DOCK1: variants seen among roughly 807,000 people sequenced by gnomAD.
DOCK1 encodes the protein dedicator of cytokinesis protein 1.
A neutral mutation model predicts 262.7 loss-of-function variants in DOCK1; 138 were observed. The observed-to-expected ratio is 0.53, with a 90% CI of 0.46 to 0.61. DOCK1 has a LOEUF of 0.61. Ranked by LOEUF, DOCK1 falls within the 20% of genes least tolerant of loss-of-function variation. DOCK1 has a pLI of 0.00. For missense variants in DOCK1, 1,908 were observed against 2,370.7 expected (o/e 0.80, Z 4.05); for synonymous variants, 866 against 867.4 (o/e 1.00, Z 0.03).
intron 1 of DOCK1, among the ~76,000 whole-genome samples, chr10:126,912,362 G>A (rs771867575): frequency 5.3e-5 from 8 of 151,596 alleles, no homozygotes; most frequent in African/African-American, 1.9e-4. Flanking sequence ...CCTCGGAGGC[G>A]GAGGTTGCAG....
chr10:126,952,367 G>A (rs1245490339), intron 1 of DOCK1, among the ~76,000 whole-genome samples: 1 of 151,792 alleles, frequency 6.6e-6, no homozygotes, highest in Non-Finnish European at 1.5e-5. Context: ...TGTTACTGTT[G>A]GTAGTATTGT....
intron 1 of DOCK1, among the ~76,000 whole-genome samples, chr10:126,911,884 A>G (rs966931234): frequency 1.1e-4 from 17 of 152,276 alleles, no homozygotes; most frequent in African/African-American, 4.1e-4. Context: ...AGTGCTTTGG[A>G]GCTGACGTTG....
At chr10:127,000,761 GTTGGTGTTCTTCCTCCGCCA>G (rs1320936813) in intron 10 of DOCK1, 1 of 102,794 alleles carries the variant, frequency 9.7e-6, no homozygotes, top group Non-Finnish European at 2.2e-5. Context: ...TCTCCGCCAT[GTTGGTGTTCTTCCTCCGCCA>G]TGTTGGTGTT....
intron 38 of DOCK1, among the ~76,000 whole-genome samples, chr10:127,402,416 T>A (rs2067273796): frequency 6.6e-6 from 1 of 152,194 alleles, no homozygotes; most frequent in Non-Finnish European, 1.5e-5. Flanking sequence ...TTATTCCACA[T>A]GTGTCAAAAG....
At position 127,452,169 on chromosome 10, in the gene DOCK1, A is replaced by T. The variant is rs781442794; in HGVS notation, c.*742A>T. The T allele has an allele frequency of 2.0e-5, 3 of 152,632 alleles. No individual in the cohort carries two copies. Among genetic ancestry groups the T allele is most frequent in the Non-Finnish European group, 4.4e-5 (3 of 68,026 alleles). The allele number at this position is 152,632 out of a possible 1,614,324, so 9.5% of individuals were successfully genotyped here. Reference sequence around the variant, plus strand: ...AATTGGGTGAATTGTTTTTGTCCTCATTCTGTACAGAAATTTGTATATATG... The same window carrying T: ...AATTGGGTGAATTGTTTTTGTCCTCTTTCTGTACAGAAATTTGTATATATG... On this transcript the variant is annotated 3_prime_UTR_variant, in exon 52 of 52. Transcript: ENST00000623213.
intron 38 of DOCK1, chr10:127,402,730 G>A (rs762417877): frequency 9.2e-6 from 5 of 543,848 alleles, no homozygotes; most frequent in East Asian, 5.0e-5. Context: ...AGGCTGCTCC[G>A]ACAGACGGGC....
intron 29 of DOCK1, among the ~76,000 whole-genome samples, chr10:127,259,743 G>A (rs970794914): frequency 6.6e-6 from 1 of 152,114 alleles, no homozygotes; most frequent in East Asian, 1.9e-4. Context: ...CCTACTCCGA[G>A]GGTCTCCCGT....
chr10:127,018,980 T>C, intron 13 of DOCK1, 145 bp downstream of exon 13: 1 of 1,256,460 alleles, frequency 8.0e-7, no homozygotes, highest in South Asian at 1.5e-5. Context: ...CCAGCATGGT[T>C]ATGGATCATG....
intron 27 of DOCK1, among the ~76,000 whole-genome samples, chr10:127,230,012 G>A (rs566685220): frequency 6.6e-6 from 1 of 152,108 alleles, no homozygotes; most frequent in South Asian, 2.1e-4. Flanking sequence ...ACATATGTTG[G>A]CCACTTTTTA....
chr10:127,384,382 T>G (rs774019859), intron 37 of DOCK1, among the ~76,000 whole-genome samples: 1 of 152,194 alleles, frequency 6.6e-6, no homozygotes, highest in Non-Finnish European at 1.5e-5. Context: ...CTGGGTGACT[T>G]GTGTGTTCCA....
intron 29 of DOCK1, among the ~76,000 whole-genome samples, chr10:127,264,025 G>A (rs1403989067): frequency 6.6e-6 from 1 of 152,176 alleles, no homozygotes; most frequent in Non-Finnish European, 1.5e-5. Context: ...TTTTGCTTGA[G>A]AAAGGCATTT....
intron 27 of DOCK1, among the ~76,000 whole-genome samples, chr10:127,213,115 C>T (rs1404494444): frequency 1.3e-5 from 2 of 152,086 alleles, no homozygotes; most frequent in African/African-American, 4.8e-5. Flanking sequence ...TTTGTGTGTA[C>T]CCATGAAAGC....
chr10:127,416,693 A>C (rs1279051672), intron 44 of DOCK1, among the ~76,000 whole-genome samples: 2 of 152,196 alleles, frequency 1.3e-5, no homozygotes, highest in Non-Finnish European at 2.9e-5. Context: ...TCTTCAATAA[A>C]AATAGGAAGG....
At chr10:127,006,322 G>C (rs1251782534) in intron 10 of DOCK1, among the ~76,000 whole-genome samples, 1 of 152,156 alleles carries the variant, frequency 6.6e-6, no homozygotes, top group African/African-American at 2.4e-5. Flanking sequence ...CAACGCCACT[G>C]CCTCCTTCCT....
intron 51 of DOCK1, among the ~76,000 whole-genome samples, chr10:127,447,923 T>C (rs188894805): frequency 6.6e-6 from 1 of 152,346 alleles, no homozygotes; most frequent in Non-Finnish European, 1.5e-5. Context: ...GAGGTCTGAC[T>C]TTTTAAAGAG....
At position 127,404,259 on chromosome 10, in the gene DOCK1, G is replaced by A. The variant is rs544408697; in HGVS notation, c.4018-66G>A. ...GCCAGAGCTTTTAAAGAGCCCGCAAGAAGAATCCAGAGGCACACATGCTTG... is the reference window on the plus strand; with the variant it reads ...GCCAGAGCTTTTAAAGAGCCCGCAAAAAGAATCCAGAGGCACACATGCTTG... On this transcript the variant is annotated intron_variant, in intron 39 of 51. Coordinates refer to ENST00000623213, the MANE Select transcript of DOCK1 (RefSeq NM_001290223.2). 9.2e-6 allele frequency: 13 copies of A among 1,407,060 alleles called. No homozygotes were observed. In the African/African-American group the frequency reaches 1.4e-4, roughly 15 times the overall value. 87.2% of individuals were successfully genotyped at this position (1,407,060 alleles called of 1,614,324 possible).
At chr10:127,253,895 G>GAAAAAAAAA in intron 28 of DOCK1, among the ~76,000 whole-genome samples, 1 of 108,448 alleles carries the variant, frequency 9.2e-6, no homozygotes, top group Non-Finnish European at 2.1e-5. Flanking sequence ...AAAAAAAAAG[G>GAAAAAAAAA]AAACCATGAT....
At chr10:127,418,875 C>T (rs1209179740) in intron 45 of DOCK1, among the ~76,000 whole-genome samples, 3 of 152,180 alleles carry the variant, frequency 2.0e-5, no homozygotes, top group East Asian at 3.9e-4. Context: ...GACAAAAACA[C>T]CAGAATATCA....
intron 29 of DOCK1, among the ~76,000 whole-genome samples, chr10:127,292,733 A>G (rs1165884653): frequency 6.6e-6 from 1 of 152,142 alleles, no homozygotes; most frequent in Non-Finnish European, 1.5e-5. Flanking sequence ...TGTTGATCAC[A>G]TTATTTAAGA....
Sources: gnomAD v4.1 joint callset for allele counts (sites outside exome capture counted in the v4.1 genomes callset) on GRCh38, gnomAD v4.1.1 for gene constraint, MANE v1.5 for transcripts, NCBI Gene and HGNC (gene_info 2026-07-23, HGNC 2026-07-21) for gene names.